The following LMBRD2 variants were observed in gnomAD, a reference collection of about 807,000 sequenced individuals.
LMBRD2 encodes the protein G protein-coupled receptor-associated protein LMBRD2.
A neutral mutation model predicts 94.4 loss-of-function variants in LMBRD2; 55 were observed. The observed-to-expected ratio is 0.58, with a 90% CI of 0.47 to 0.73. The LOEUF is 0.73. LMBRD2 is among the 30% of genes least tolerant of loss of function. LMBRD2 has a pLI of 0.00. For missense variants in LMBRD2, 640 were observed against 831.9 expected, an observed-to-expected ratio of 0.77 and a Z score of 2.84; for synonymous variants, 246 against 272.4, an observed-to-expected ratio of 0.90 and a Z score of 0.95.
chr5:36,118,372 G>A (rs186627395), intron 9 of LMBRD2, among the ~76,000 whole-genome samples: 11 of 152,192 alleles, frequency 7.2e-5, no homozygotes, highest in Admixed American at 7.2e-4. Context: ...ATATTATTGG[G>A]ATAATTATAG....
intron 16 of LMBRD2, among the ~76,000 whole-genome samples, chr5:36,107,498 C>T (rs867732415): frequency 6.6e-6 from 1 of 152,230 alleles, no homozygotes; most frequent in Non-Finnish European, 1.5e-5. Context: ...AATGGGCACA[C>T]CTCTTCTATT....
intron 1 of LMBRD2, among the ~76,000 whole-genome samples, chr5:36,145,821 T>C (rs1363239045): frequency 6.6e-6 from 1 of 152,190 alleles, no homozygotes; most frequent in Non-Finnish European, 1.5e-5. Flanking sequence ...ATTATTGTAG[T>C]ATAAGAAATA....
At chr5:36,106,740 C>A (rs1359962075) in intron 16 of LMBRD2, among the ~76,000 whole-genome samples, 1 of 151,998 alleles carries the variant, frequency 6.6e-6, no homozygotes, top group East Asian at 1.9e-4. Context: ...GAACTCCTAA[C>A]CTTAGGTGAT....
At position 36,103,362 on chromosome 5, in the gene LMBRD2, G is replaced by A. The variant is rs1290949481; in HGVS notation, c.*684C>T. The A allele has an allele frequency of 6.6e-6, 1 of 152,174 alleles. No individual in the cohort carries two copies. Among genetic ancestry groups the A allele is most frequent in the African/African-American group, 2.4e-5 (1 of 41,388 alleles). The allele number at this position is 152,174 out of a possible 1,614,324, so 9.4% of individuals were successfully genotyped here. ...AATACCAGAAGCATAAAAAAATCCA[G>A]TTACTACAAAGACTGAAGGAATACT... is the stretch of plus-strand genomic sequence containing the variant. On this transcript the variant is annotated 3_prime_UTR_variant, in exon 18 of 18. Coordinates refer to ENST00000296603, the MANE Select transcript of LMBRD2 (RefSeq NM_001007527.2).
At chr5:36,137,785 T>A (rs1744305825) in intron 4 of LMBRD2, among the ~76,000 whole-genome samples, 1 of 151,986 alleles carries the variant, frequency 6.6e-6, no homozygotes, top group Admixed American at 6.6e-5. Flanking sequence ...AGGGTGATGA[T>A]GGTGGTAAGA....
rs1318461427 is a variant in LMBRD2, at chr5:36,151,509, G to A, written c.-58+47C>T. On this transcript the variant is annotated intron_variant, in intron 1 of 17. Transcript: ENST00000296603. The surrounding 1 kb of genome is among the most constrained non-coding windows in gnomAD (Gnocchi z 4.7). ...TCCCCGACGGAGGAAGAAGCTTCCT[G>A]GCAAAAGGACGAACAGGTGCGACGC... The A allele has an allele frequency of 1.3e-5, 2 of 152,458 alleles. No homozygotes were observed. The highest frequency in any genetic ancestry group is 2.4e-5 in the African/African-American group (1 of 41,566). 9.4% of individuals were successfully genotyped at this position (152,458 alleles called of 1,614,324 possible). A position where few individuals can be genotyped will look rare whatever the true frequency, so the allele number is the denominator to read the frequency against.
intron 12 of LMBRD2, 87 bp from the exon 13 acceptor site, chr5:36,114,608 G>A: frequency 7.3e-7 from 1 of 1,371,402 alleles, no homozygotes; most frequent in Non-Finnish European, 9.5e-7. Context: ...CCTATAACCA[G>A]TTATATCAAT....
rs1282252272 is a variant in LMBRD2 at position 36,099,507 on chromosome 5, T to A, written c.*4539A>T. The A allele has an allele frequency of 1.3e-5, 2 of 152,168 alleles. No individual in the cohort carries two copies. Among genetic ancestry groups the A allele is most frequent in the Non-Finnish European group, 2.9e-5 (2 of 68,016 alleles). The allele number at this position is 152,168 out of a possible 1,614,324, so 9.4% of individuals were successfully genotyped here. ...TTGGTATGCTAAGTACGGAAGATGC[T>A]TGCCAGCATTGTTGAGAAATGCAGT... is the stretch of plus-strand genomic sequence containing the variant. On this transcript the variant is annotated 3_prime_UTR_variant, in exon 18 of 18. Transcript: ENST00000296603.
chr5:36,125,024 G>A (rs1743977252), intron 6 of LMBRD2, among the ~76,000 whole-genome samples: 1 of 152,136 alleles, frequency 6.6e-6, no homozygotes, highest in Non-Finnish European at 1.5e-5. Context: ...TACTGTGCTA[G>A]GTGTAAGGCC....
chr5:36,132,664 CAAA>C (rs35930344), intron 6 of LMBRD2, among the ~76,000 whole-genome samples: 1 of 133,976 alleles, frequency 7.5e-6, no homozygotes, highest in Non-Finnish European at 1.6e-5. Flanking sequence ...TTGAATTTCT[CAAA>C]AAAAAAAAAA....
At chr5:36,141,413 T>C (rs1306402155) in intron 3 of LMBRD2, among the ~76,000 whole-genome samples, 1 of 152,178 alleles carries the variant, frequency 6.6e-6, no homozygotes, top group African/African-American at 2.4e-5. Flanking sequence ...TAGATTGTTC[T>C]GAAAATGTCA....
At chr5:36,145,967 G>A (rs577948534) in intron 1 of LMBRD2, among the ~76,000 whole-genome samples, 1 of 152,158 alleles carries the variant, frequency 6.6e-6, no homozygotes, top group Non-Finnish European at 1.5e-5. Context: ...GTCTTTAGGT[G>A]GTAAGATTAT....
chr5:36,123,757 A>T (rs1348287930), intron 7 of LMBRD2, among the ~76,000 whole-genome samples: 1 of 150,542 alleles, frequency 6.6e-6, no homozygotes, highest in Non-Finnish European at 1.5e-5. Context: ...TAGTTTATTA[A>T]ATGTCTATGT....
chr5:36,124,979 AAAAC>A (rs1333456697), intron 6 of LMBRD2, among the ~76,000 whole-genome samples: 6 of 152,160 alleles, frequency 3.9e-5, no homozygotes, highest in Non-Finnish European at 5.9e-5. Flanking sequence ...GAATAACTTA[AAAAC>A]AAACAAACAA....
At position 36,138,662 on chromosome 5, in the gene LMBRD2, C is replaced by G. The variant is rs183963395; in HGVS notation, c.369-1221G>C. Among the ~76,000 whole-genome samples the G allele has an allele frequency of 1.5e-3, 228 of 152,244 alleles. 1 individual carries two copies. The highest frequency in any genetic ancestry group is 5.4e-3 in the African/African-American group (223 of 41,542). ...TGTATTCACTTTGAAAAAAGTCAAACTAAACACAATCTATGCATTTTTCGG... is the reference window on the plus strand; with the variant it reads ...TGTATTCACTTTGAAAAAAGTCAAAGTAAACACAATCTATGCATTTTTCGG... On this transcript the variant is annotated intron_variant, in intron 4 of 17. Coordinates refer to ENST00000296603, the MANE Select transcript of LMBRD2 (RefSeq NM_001007527.2).
intron 1 of LMBRD2, among the ~76,000 whole-genome samples, chr5:36,146,925 TGTGTGTGTGTGTGTGA>T (rs1245051764): frequency 1.5e-5 from 1 of 67,276 alleles, no homozygotes; most frequent in African/African-American, 5.7e-5. Context: ...TCTCTGCGTG[TGTGTGTGTGTGTGTGA>T]GTGTGTGTGT....
At chr5:36,119,985 TTTTTC>T (rs1052762354) in intron 9 of LMBRD2, among the ~76,000 whole-genome samples, 8 of 151,702 alleles carry the variant, frequency 5.3e-5, no homozygotes, top group African/African-American at 2.0e-4. Context: ...TTCTATGAAT[TTTTTC>T]TTTTCTTTCT....
chr5:36,111,065 A>G (rs43189), intron 14 of LMBRD2, 90 bp downstream of exon 14: 71 of 795,728 alleles, frequency 8.9e-5, no homozygotes, highest in African/African-American at 6.2e-4. Flanking sequence ...AGATTAAAAA[A>G]TATTCACAAA....
chr5:36,142,084 A>T (rs1396099277), intron 3 of LMBRD2, among the ~76,000 whole-genome samples: 1 of 152,208 alleles, frequency 6.6e-6, no homozygotes, highest in Non-Finnish European at 1.5e-5. Flanking sequence ...CTTTTGAAGG[A>T]TGTGCAATAT....
Sources: allele counts gnomAD v4.1 joint callset (sites outside exome capture counted in the v4.1 genomes callset), GRCh38; gene constraint gnomAD v4.1.1; non-coding constraint Gnocchi (gnomAD v3.1); transcripts MANE v1.5; gene names NCBI Gene and HGNC (gene_info 2026-07-23, HGNC 2026-07-21).